The following SOX21 variants were observed in gnomAD, a reference collection of about 807,000 sequenced individuals.
The protein encoded by SOX21 is SRY-box transcription factor 21.
For synonymous variants in SOX21, 237 were observed against 189.7 expected (o/e 1.25, Z -2.05); for missense variants, 370 against 388.8 (o/e 0.95, Z 0.41).
chr13:94,711,623 C>T lies in SOX21; in HGVS notation c.427G>A (p.Ala143Thr). ...GGGAAGAAGACGCGTGCGGCGGCAG[C>T]GGCGGCGGCCGCGGCCGCCTTCTCG... ...NPEKAAAAAA[A>T]AAARVFFPQS... is the part of the protein sequence containing the mutation. The change falls in exon 1 of 1, where the codon GCT (alanine) becomes ACT (threonine). Residue 143 changes from alanine to threonine, a missense_variant. By Grantham distance (58) the Ala-to-Thr change is moderately conservative. Coordinates refer to ENST00000376945, the MANE Select transcript of SOX21 (RefSeq NM_007084.4). 1 of 1,232,656 alleles carries T rather than the reference C, an allele frequency of 8.1e-7. No homozygotes were observed. 76.4% of individuals were successfully genotyped at this position (1,232,656 alleles called of 1,614,324 possible). A position where few individuals can be genotyped will look rare whatever the true frequency, so the allele number is the denominator to read the frequency against.
chr13:94,711,495 G>A lies in SOX21; in HGVS notation c.555C>T (p.Ser185=). 1 of 1,079,154 alleles carries A rather than the reference G, an allele frequency of 9.3e-7. No individual in the cohort carries two copies. Among genetic ancestry groups the A allele is most frequent in the Non-Finnish European group, 1.1e-6 (1 of 883,242 alleles). The allele number at this position is 1,079,154 out of a possible 1,614,324, so 66.8% of individuals were successfully genotyped here. The part of the protein sequence containing the change: ...LGSKMAEISS[S]SSGLPYASSL... ...ACGACGCGTACGGGAGGCCGGACGA[G>A]GACGACGAGATCTCTGCCATTTTGG... Residue 185 remains serine, a synonymous_variant, in exon 1 of 1, where the codon TCC becomes TCT. Transcript: ENST00000376945.
In SOX21 at chr13:94,711,696, G is replaced by A. The variant is rs1347453379; in HGVS notation, c.354C>T (p.His118=). The change falls in exon 1 of 1, where the codon CAC becomes CAT. Residue 118 remains histidine (H), a synonymous_variant. Transcript: ENST00000376945. ...GCACCAGGCCGCCGCCCGCCCCCGC[G>A]TGCAGCCCGGCGCCCGCCTTGAGCG... ...HPALKAGAGL[H]AGAGGGLVPE... is the part of the protein sequence containing the mutation. The A allele has an allele frequency of 2.6e-6, 4 of 1,525,082 alleles. No homozygotes were observed. The highest frequency in any genetic ancestry group is 3.5e-6 in the Non-Finnish European group (4 of 1,140,628). The allele number at this position is 1,525,082 out of a possible 1,614,324, so 94.5% of individuals were successfully genotyped here.
In SOX21 at chr13:94,711,717, G is replaced by C; in HGVS notation, c.333C>G (p.Leu111=). ...GGVADAEHPA[L]KAGAGLHAGA... is the part of the protein sequence containing the mutation. ...CCGCGTGCAGCCCGGCGCCCGCCTT[G>C]AGCGCAGGGTGCTCGGCGTCCGCCA... Residue 111 remains leucine, a synonymous_variant, in exon 1 of 1, where the codon CTC becomes CTG. Transcript: ENST00000376945. 1 of 1,598,590 alleles carries C rather than the reference G, an allele frequency of 6.3e-7. No homozygotes were observed. Among genetic ancestry groups the C allele is most frequent in the Non-Finnish European group, 8.5e-7 (1 of 1,174,216 alleles).
In SOX21 at chr13:94,711,977, T is replaced by G. The variant is rs1349754042; in HGVS notation, c.73A>C (p.Lys25Gln). 6.2e-7 allele frequency: 1 copy of G among 1,613,898 alleles called. No homozygotes were observed. The highest frequency in any genetic ancestry group is 8.5e-7 in the Non-Finnish European group (1 of 1,179,966). Reference protein sequence around the residue: ...FMVWSRAQRRKMAQENPKMHN... With the variant: ...FMVWSRAQRRQMAQENPKMHN... ...ATCTTGGGGTTCTCCTGGGCCATCT[T>G]GCGCCGCTGAGCCCGCGACCACACC... Residue 25 changes from lysine to glutamine, a missense_variant, in exon 1 of 1, where the codon AAG (lysine) becomes CAG (glutamine). By Grantham distance (53) the Lys-to-Gln change is moderately conservative. Coordinates refer to ENST00000376945, the MANE Select transcript of SOX21 (RefSeq NM_007084.4).
chr13:94,712,463 G>A lies in SOX21; in HGVS notation c.-414C>T, dbSNP rs1167919575. 2.0e-6 allele frequency: 2 copies of A among 989,284 alleles called. No individual in the cohort carries two copies. Among genetic ancestry groups the A allele is most frequent in the African/African-American group, 1.8e-5 (1 of 57,038 alleles). 61.3% of individuals were successfully genotyped at this position (989,284 alleles called of 1,614,324 possible). On this transcript the variant is annotated 5_prime_UTR_variant, in exon 1 of 1. Coordinates refer to ENST00000376945, the MANE Select transcript of SOX21 (RefSeq NM_007084.4). The surrounding 1 kb of genome is among the most constrained non-coding windows in gnomAD (Gnocchi z 5.0). ...AAAGCGTCCCCAAAAGTTGCGTCGC[G>A]GAGACTCCTCGAAGTTGAGCCGAGG... is the stretch of plus-strand genomic sequence containing the variant.
In SOX21 at chr13:94,712,096, C is replaced by A. The variant is rs368374709; in HGVS notation, c.-47G>T. On this transcript the variant is annotated 5_prime_UTR_variant, in exon 1 of 1. Transcript: ENST00000376945. This position sits in a 1 kb window ranked among gnomAD's most constrained non-coding sequence, Gnocchi z 5.0. ...CAGCCCGCCGCCTCCCGGGCCCTCG[C>A]CCTCGGCCCGGAGGAAATCAATGTT... 6.3e-7 allele frequency: 1 copy of A among 1,581,416 alleles called. No individual in the cohort carries two copies.
Position 94,711,633 on chromosome 13 carries a change from C to G in SOX21, c.417G>C (p.Ala139=). The G allele has an allele frequency of 8.0e-7, 1 of 1,253,232 alleles. No individual in the cohort carries two copies. Among genetic ancestry groups the G allele is most frequent in the Non-Finnish European group, 1.0e-6 (1 of 999,678 alleles). The allele number at this position is 1,253,232 out of a possible 1,614,324, so 77.6% of individuals were successfully genotyped here. Residue 139 remains alanine, a synonymous_variant, in exon 1 of 1, where the codon GCG becomes GCC. Coordinates refer to ENST00000376945, the MANE Select transcript of SOX21 (RefSeq NM_007084.4). ...CGCGTGCGGCGGCAGCGGCGGCGGC[C>G]GCGGCCGCCTTCTCGGGATTGGCGA... The part of the protein sequence containing the change: ...SLLANPEKAA[A]AAAAAAARVF...
At position 94,711,696 on chromosome 13, in the gene SOX21, G is replaced by C; in HGVS notation, c.354C>G (p.His118Gln). 1.3e-6 allele frequency: 2 copies of C among 1,525,194 alleles called. No homozygotes were observed. The highest frequency in any genetic ancestry group is 1.8e-6 in the Non-Finnish European group (2 of 1,140,620). The allele number at this position is 1,525,194 out of a possible 1,614,324, so 94.5% of individuals were successfully genotyped here. ...GCACCAGGCCGCCGCCCGCCCCCGC[G>C]TGCAGCCCGGCGCCCGCCTTGAGCG... Reference protein sequence around the residue: ...HPALKAGAGLHAGAGGGLVPE... With the variant: ...HPALKAGAGLQAGAGGGLVPE... Residue 118 changes from histidine to glutamine, a missense_variant, in exon 1 of 1, where the codon CAC becomes CAG. Coordinates refer to ENST00000376945, the MANE Select transcript of SOX21 (RefSeq NM_007084.4).
In SOX21 at chr13:94,712,172, G is replaced by C; in HGVS notation, c.-123C>G. ...CGGCCGGGGCTCGTCGCGCCCCGGCGTCGCTCCCGCCCCGGAGGAGGGGGC... is the reference window on the plus strand; with the variant it reads ...CGGCCGGGGCTCGTCGCGCCCCGGCCTCGCTCCCGCCCCGGAGGAGGGGGC... On this transcript the variant is annotated 5_prime_UTR_variant, in exon 1 of 1. Transcript: ENST00000376945. This position sits in a 1 kb window ranked among gnomAD's most constrained non-coding sequence, Gnocchi z 5.0. The C allele has an allele frequency of 3.6e-6, 5 of 1,390,426 alleles. No individual in the cohort carries two copies. 86.1% of individuals were successfully genotyped at this position (1,390,426 alleles called of 1,614,324 possible). A position where few individuals can be genotyped will look rare whatever the true frequency, so the allele number is the denominator to read the frequency against.
rs1311233299 is a variant in SOX21 at position 94,711,206 on chromosome 13, C to T, written c.*13G>A. The T allele has an allele frequency of 2.3e-6, 3 of 1,318,508 alleles. No individual in the cohort carries two copies. The highest frequency in any genetic ancestry group is 4.0e-5 in the Admixed American group (1 of 24,912). 81.7% of individuals were successfully genotyped at this position (1,318,508 alleles called of 1,614,324 possible). On this transcript the variant is annotated 3_prime_UTR_variant, in exon 1 of 1. Coordinates refer to ENST00000376945, the MANE Select transcript of SOX21 (RefSeq NM_007084.4). ...CGTGTGCACACCGGTCCTCGCGAGG[C>T]GGCCCCGCGGGGTCATAGCGCGGCA...
In SOX21 at chr13:94,712,300, GC is replaced by G; in HGVS notation, c.-252del. ...TGGGACACTCTAACTTCTCGGCGGT[GC>G]CCCCTCCCCGCGGCGGCAGTTTGCC... On this transcript the variant is annotated 5_prime_UTR_variant, in exon 1 of 1. Coordinates refer to ENST00000376945, the MANE Select transcript of SOX21 (RefSeq NM_007084.4). The surrounding 1 kb of genome is among the most constrained non-coding windows in gnomAD (Gnocchi z 5.0). 5.2e-6 allele frequency: 6 copies of G among 1,161,864 alleles called. No homozygotes were observed. Among genetic ancestry groups the G allele is most frequent in the Non-Finnish European group, 6.3e-6 (6 of 945,980 alleles). The allele number at this position is 1,161,864 out of a possible 1,614,324, so 72.0% of individuals were successfully genotyped here.
In SOX21 at chr13:94,711,311, C is replaced by A; in HGVS notation, c.739G>T (p.Gly247Trp). Residue 247 changes from glycine (G) to tryptophan (W), a missense_variant, in exon 1 of 1, where the codon GGG (glycine) becomes TGG (tryptophan). Gly to Trp is a radical substitution (Grantham distance 184, BLOSUM62 -2). Coordinates refer to ENST00000376945, the MANE Select transcript of SOX21 (RefSeq NM_007084.4). ...PCNCSAWPSP[G>W]LQPPLAYILL... ...ATGTAGGCGAGCGGCGGCTGCAGCC[C>A]GGGGCTGGGCCACGCGCTGCAGTTG... 1.5e-6 allele frequency: 2 copies of A among 1,329,708 alleles called. No homozygotes were observed. The highest frequency in any genetic ancestry group is 2.2e-5 in the South Asian group (1 of 44,934). The allele number at this position is 1,329,708 out of a possible 1,614,324, so 82.4% of individuals were successfully genotyped here.
chr13:94,711,246 G>A lies in SOX21; in HGVS notation c.804C>T (p.Tyr268=). The change falls in exon 1 of 1, where the codon TAC becomes TAT. Residue 268 remains tyrosine, a synonymous_variant. Coordinates refer to ENST00000376945, the MANE Select transcript of SOX21 (RefSeq NM_007084.4). The stretch of plus-strand genomic sequence containing the variant: ...ATAGCGCGGCAGCGTAGGCCGCGGG[G>A]TAGGGGTCCAGCTGGGGCTTGCCCA... ...PGMGKPQLDP[Y]PAAYAAAL 7.3e-7 allele frequency: 1 copy of A among 1,370,762 alleles called. No individual in the cohort carries two copies. Among genetic ancestry groups the A allele is most frequent in the Non-Finnish European group, 9.4e-7 (1 of 1,067,046 alleles). The allele number at this position is 1,370,762 out of a possible 1,614,324, so 84.9% of individuals were successfully genotyped here. A position where few individuals can be genotyped will look rare whatever the true frequency, so the allele number is the denominator to read the frequency against.
In SOX21 at chr13:94,712,513, T is replaced by G; in HGVS notation, c.-464A>C. ...GAGCCCGCCGCCGCGTGCTGCCAAG[T>G]GCCAAAGGGGGCTCTCAGCGGCTGG... On this transcript the variant is annotated 5_prime_UTR_variant, in exon 1 of 1. Transcript: ENST00000376945. This position sits in a 1 kb window ranked among gnomAD's most constrained non-coding sequence, Gnocchi z 5.0. 1.0e-6 allele frequency: 1 copy of G among 987,016 alleles called. No homozygotes were observed. Among genetic ancestry groups the G allele is most frequent in the Non-Finnish European group, 1.2e-6 (1 of 831,764 alleles). The allele number at this position is 987,016 out of a possible 1,614,324, so 61.1% of individuals were successfully genotyped here.
rs761962404 is a variant in SOX21, at chr13:94,711,561, GGCGGCGGCGGCA to G, written c.477_488del (p.Ala163_Ala166del). 1,194 of 1,015,798 alleles carry G rather than the reference GGCGGCGGCGGCA, an allele frequency of 1.2e-3. 5 individuals are homozygous for G. Among genetic ancestry groups the G allele is most frequent in the East Asian group, 3.6e-3 (37 of 10,168 alleles). The allele number at this position is 1,015,798 out of a possible 1,614,324, so 62.9% of individuals were successfully genotyped here. The stretch of plus-strand genomic sequence containing the variant: ...GCGAGTAGGGGCTGCCCGCGGCGGC[GGCGGCGGCGGCA>G]GCGGCGGCGGCAGCGGCCGACTGCG... On this transcript the variant is annotated inframe_deletion, in exon 1 of 1. Coordinates refer to ENST00000376945, the MANE Select transcript of SOX21 (RefSeq NM_007084.4).
rs1232883587 is a variant in SOX21, at chr13:94,709,857, CATT to C, written c.*1359_*1361del. 6.6e-6 allele frequency: 1 copy of C among 152,386 alleles called. No homozygotes were observed. The highest frequency in any genetic ancestry group is 1.5e-5 in the Non-Finnish European group (1 of 68,026). The allele number at this position is 152,386 out of a possible 1,614,324, so 9.4% of individuals were successfully genotyped here. On this transcript the variant is annotated 3_prime_UTR_variant, in exon 1 of 1. Coordinates refer to ENST00000376945, the MANE Select transcript of SOX21 (RefSeq NM_007084.4). Reference sequence around the variant, plus strand: ...CATGTTAGCCAACTTCATTCACAAACATTAGTCAAAATATATACATTTAAAAAG... The same window carrying C: ...CATGTTAGCCAACTTCATTCACAAACAGTCAAAATATATACATTTAAAAAG...
In SOX21 at chr13:94,711,642, C is replaced by A; in HGVS notation, c.408G>T (p.Lys136Asn). ...CGGCAGCGGCGGCGGCCGCGGCCGC[C>A]TTCTCGGGATTGGCGAGCAGCGACT... ...VPESLLANPE[K>N]AAAAAAAAAA... Residue 136 changes from lysine to asparagine, a missense_variant, in exon 1 of 1, where the codon AAG (lysine) becomes AAT (asparagine). By Grantham distance (94) the Lys-to-Asn change is moderately conservative. Transcript: ENST00000376945. 1 of 1,304,370 alleles carries A rather than the reference C, an allele frequency of 7.7e-7. No individual in the cohort carries two copies. Among genetic ancestry groups the A allele is most frequent in the Non-Finnish European group, 9.7e-7 (1 of 1,028,378 alleles). The allele number at this position is 1,304,370 out of a possible 1,614,324, so 80.8% of individuals were successfully genotyped here. A position where few individuals can be genotyped will look rare whatever the true frequency, so the allele number is the denominator to read the frequency against.
chr13:94,711,615 GGCGGCAGCGGCGGCGGCC>G lies in SOX21; in HGVS notation c.417_434del (p.Ala141_Ala146del). On this transcript the variant is annotated inframe_deletion, in exon 1 of 1. Coordinates refer to ENST00000376945, the MANE Select transcript of SOX21 (RefSeq NM_007084.4). ...CCGACTGCGGGAAGAAGACGCGTGCGGCGGCAGCGGCGGCGGCCGCGGCCGCCTTCTCGGGATTGGCGA... is the reference window on the plus strand; with the variant it reads ...CCGACTGCGGGAAGAAGACGCGTGCGGCGGCCGCCTTCTCGGGATTGGCGA... The G allele has an allele frequency of 2.4e-6, 3 of 1,225,692 alleles. No individual in the cohort carries two copies. Among genetic ancestry groups the G allele is most frequent in the Non-Finnish European group, 3.1e-6 (3 of 981,276 alleles). The allele number at this position is 1,225,692 out of a possible 1,614,324, so 75.9% of individuals were successfully genotyped here. A position where few individuals can be genotyped will look rare whatever the true frequency, so the allele number is the denominator to read the frequency against.
In SOX21 at chr13:94,711,696, G is replaced by T; in HGVS notation, c.354C>A (p.His118Gln). 2.0e-6 allele frequency: 3 copies of T among 1,525,194 alleles called. No homozygotes were observed. The highest frequency in any genetic ancestry group is 1.2e-5 in the South Asian group (1 of 82,614). The allele number at this position is 1,525,194 out of a possible 1,614,324, so 94.5% of individuals were successfully genotyped here. A position where few individuals can be genotyped will look rare whatever the true frequency, so the allele number is the denominator to read the frequency against. The change falls in exon 1 of 1, where the codon CAC becomes CAA. Residue 118 changes from histidine to glutamine, a missense_variant. Transcript: ENST00000376945. ...HPALKAGAGL[H>Q]AGAGGGLVPE... ...GCACCAGGCCGCCGCCCGCCCCCGC[G>T]TGCAGCCCGGCGCCCGCCTTGAGCG...
Sources: gnomAD v4.1 joint callset for allele counts on GRCh38, gnomAD v4.1.1 for gene constraint, Gnocchi (gnomAD v3.1) non-coding constraint, MANE v1.5 for transcripts, NCBI Gene and HGNC (gene_info 2026-07-23, HGNC 2026-07-21) for gene names.